The following TEC variants were observed in gnomAD, a reference collection of about 807,000 sequenced individuals.
TEC encodes tyrosine-protein kinase Tec.
Under a neutral mutation model 93.0 loss-of-function variants are expected in TEC, and 72 were observed. That is an observed-to-expected ratio of 0.77 (90% CI 0.64 to 0.94). The LOEUF is 0.94. TEC is among the 40% of genes least tolerant of loss of function. The pLI, the probability that TEC is intolerant of heterozygous loss-of-function variation, is 0.00. For synonymous variants in TEC, 249 were observed against 247.7 expected, an observed-to-expected ratio of 1.01 and a Z score of -0.05; for missense variants, 630 against 757.9, an observed-to-expected ratio of 0.83 and a Z score of 1.98.
chr4:48,192,405 G>A (rs1255079231), intron 2 of TEC, among the ~76,000 whole-genome samples: 1 of 152,088 alleles, frequency 6.6e-6, no homozygotes, highest in Non-Finnish European at 1.5e-5. Flanking sequence ...GGGGTTATGG[G>A]CATACTCAGT....
At chr4:48,256,978 C>G (rs1178991298) in intron 1 of TEC, among the ~76,000 whole-genome samples, 1 of 152,202 alleles carries the variant, frequency 6.6e-6, no homozygotes, top group Non-Finnish European at 1.5e-5. Context: ...TGGCGAACCA[C>G]ATTTTTTATT....
At chr4:48,184,806 CAT>C (rs60470389) in intron 2 of TEC, among the ~76,000 whole-genome samples, 61 of 145,178 alleles carry the variant, frequency 4.2e-4, no homozygotes, top group African/African-American at 1.5e-3. Context: ...CACACACACA[CAT>C]TAAATATTAT....
At chr4:48,177,218 G>T (rs1485920951) in intron 2 of TEC, among the ~76,000 whole-genome samples, 2 of 152,110 alleles carry the variant, frequency 1.3e-5, no homozygotes, top group Non-Finnish European at 2.9e-5. Flanking sequence ...ATATAATGCA[G>T]CCACTAAAAA....
At chr4:48,201,202 A>G (rs190828409) in intron 2 of TEC, among the ~76,000 whole-genome samples, 1 of 152,316 alleles carries the variant, frequency 6.6e-6, no homozygotes, top group East Asian at 1.9e-4. Flanking sequence ...ACAGACTCTC[A>G]GGTTCCTGGC....
At chr4:48,256,113 C>T (rs1577674274) in intron 1 of TEC, among the ~76,000 whole-genome samples, 1 of 152,192 alleles carries the variant, frequency 6.6e-6, no homozygotes, top group South Asian at 2.1e-4. Context: ...ATGACTATGG[C>T]TCTGTGACAG....
chr4:48,154,599 T>A (rs1363954621), intron 9 of TEC, among the ~76,000 whole-genome samples: 2 of 152,128 alleles, frequency 1.3e-5, no homozygotes. Context: ...AAAAAGTAAT[T>A]TTTTCTAGTT....
At chr4:48,210,536 G>A (rs1722870771) in intron 2 of TEC, among the ~76,000 whole-genome samples, 2 of 151,788 alleles carry the variant, frequency 1.3e-5, no homozygotes, top group Non-Finnish European at 2.9e-5. Flanking sequence ...AGGAGGAGGA[G>A]GAAGAGGGAG....
rs1379574812 is a variant in TEC, at chr4:48,136,102, TAC to T, written c.*1312_*1313del. On this transcript the variant is annotated 3_prime_UTR_variant, in exon 18 of 18. Transcript: ENST00000381501. ...CAATAAACGGTCTCTGGATGACTGA[TAC>T]AGTTTCTTTTCGCTGGCGCTCACGT... 1.3e-5 allele frequency: 2 copies of T among 152,250 alleles called. No individual in the cohort carries two copies. Among genetic ancestry groups the T allele is most frequent in the Non-Finnish European group, 2.9e-5 (2 of 68,048 alleles). The allele number at this position is 152,250 out of a possible 1,614,324, so 9.4% of individuals were successfully genotyped here.
At chr4:48,202,561 A>T (rs1038278350) in intron 2 of TEC, among the ~76,000 whole-genome samples, 9 of 152,266 alleles carry the variant, frequency 5.9e-5, no homozygotes, top group Admixed American at 5.2e-4. Context: ...AGGAAAAAAA[A>T]AATGGATTTT....
At chr4:48,221,969 A>G (rs1723280490) in intron 2 of TEC, among the ~76,000 whole-genome samples, 1 of 152,220 alleles carries the variant, frequency 6.6e-6, no homozygotes, top group Admixed American at 6.6e-5. Context: ...GTAAATAGTC[A>G]GGTAGTCAAG....
chr4:48,184,770 TACACACACACACACACACAC>T (rs58704241), intron 2 of TEC, among the ~76,000 whole-genome samples: 37 of 141,048 alleles, frequency 2.6e-4, no homozygotes, highest in African/African-American at 9.4e-4. Context: ...ACAAAAAAAA[TACACACACACACACACACAC>T]ACACACACAC....
chr4:48,238,026 T>C (rs7698045), intron 1 of TEC, among the ~76,000 whole-genome samples: 24,163 of 152,262 alleles, frequency 0.16, 2,188 homozygotes, highest in Non-Finnish European at 0.2. Flanking sequence ...TTACCACATA[T>C]TCTTCTGCAA....
intron 1 of TEC, among the ~76,000 whole-genome samples, chr4:48,252,292 AGTGGTG>A (rs1202461402): frequency 2.0e-5 from 3 of 152,254 alleles, no homozygotes; most frequent in African/African-American, 7.2e-5. Context: ...TGATAGTGGT[AGTGGTG>A]GTGGTGCTGC....
chr4:48,151,357 T>C (rs1028261536), intron 9 of TEC, among the ~76,000 whole-genome samples: 1 of 152,270 alleles, frequency 6.6e-6, no homozygotes, highest in African/African-American at 2.4e-5. Context: ...GTATTTGTTA[T>C]AAGCTTTGAT....
rs1419787877 is a variant in TEC, at chr4:48,199,232, A to G, written c.139-23046T>C. 2.6e-5 allele frequency among the ~76,000 whole-genome samples: 4 copies of G among 152,218 alleles called. No homozygotes were observed. The East Asian group carries it at 7.7e-4, about 29-fold the overall frequency. Reference sequence around the variant, plus strand: ...TAGGATAAACAGCATTAAATGAACCAGATCCAATGATTCCAAATTTACTTC... The same window carrying G: ...TAGGATAAACAGCATTAAATGAACCGGATCCAATGATTCCAAATTTACTTC... On this transcript the variant is annotated intron_variant, in intron 2 of 17. Transcript: ENST00000381501.
At chr4:48,213,718 T>A (rs1722983750) in intron 2 of TEC, among the ~76,000 whole-genome samples, 1 of 152,226 alleles carries the variant, frequency 6.6e-6, no homozygotes, top group Non-Finnish European at 1.5e-5. Flanking sequence ...TAACTTTGTT[T>A]ATAATAATGT....
At chr4:48,254,514 TG>T (rs2109672926) in intron 1 of TEC, among the ~76,000 whole-genome samples, 1 of 152,140 alleles carries the variant, frequency 6.6e-6, no homozygotes, top group South Asian at 2.1e-4. Context: ...AGCAGAAGAA[TG>T]GAAGTTCAAA....
chr4:48,210,359 G>A (rs1722858939), intron 2 of TEC, among the ~76,000 whole-genome samples: 1 of 151,958 alleles, frequency 6.6e-6, no homozygotes, highest in South Asian at 2.1e-4. Flanking sequence ...AGTGGCACGT[G>A]CCTGTCATCC....
At chr4:48,162,955 C>A (rs185207970) in intron 8 of TEC, among the ~76,000 whole-genome samples, 51 of 152,238 alleles carry the variant, frequency 3.4e-4, no homozygotes, top group African/African-American at 1.1e-3. Context: ...TGTTCACGTA[C>A]AGCCTGTAGC....
Sources: gnomAD v4.1 joint callset for allele counts (sites outside exome capture counted in the v4.1 genomes callset) on GRCh38, gnomAD v4.1.1 for gene constraint, MANE v1.5 for transcripts, NCBI Gene and HGNC (gene_info 2026-07-23, HGNC 2026-07-21) for gene names.